PPM1L: variants seen among roughly 807,000 people sequenced by gnomAD.
PPM1L encodes protein phosphatase 1L.
A neutral mutation model predicts 31.4 loss-of-function variants in PPM1L; 13 were observed. That is an observed-to-expected ratio of 0.41 (90% CI 0.27 to 0.66). The LOEUF is 0.66. Among genes scored for constraint, PPM1L ranks in the 30% least tolerant of loss-of-function variants. PPM1L has a pLI of 0.29. For synonymous variants in PPM1L, 184 were observed against 175.4 expected (o/e 1.05, Z -0.39); for missense variants, 326 against 453.7 (o/e 0.72, Z 2.56).
At chr3:160,952,166 T>C (rs996189705) in intron 1 of PPM1L, among the ~76,000 whole-genome samples, 3 of 152,112 alleles carry the variant, frequency 2.0e-5, no homozygotes, top group African/African-American at 7.2e-5. Context: ...GAAGAATAAC[T>C]CCCTTGCCTT....
At chr3:160,842,051 A>G (rs1220335780) in intron 1 of PPM1L, among the ~76,000 whole-genome samples, 2 of 152,220 alleles carry the variant, frequency 1.3e-5, no homozygotes, top group African/African-American at 2.4e-5. Flanking sequence ...AGACATAGAA[A>G]TAAGATAAAT....
At chr3:161,061,596 T>TA (rs1021893071) in intron 2 of PPM1L, among the ~76,000 whole-genome samples, 1 of 152,118 alleles carries the variant, frequency 6.6e-6, no homozygotes, top group Admixed American at 6.5e-5. Context: ...TCATACAAAT[T>TA]AAAAAACAAT....
chr3:160,772,098 T>C (rs1715272983), intron 1 of PPM1L, among the ~76,000 whole-genome samples: 1 of 152,172 alleles, frequency 6.6e-6, no homozygotes, highest in African/African-American at 2.4e-5. Context: ...GAAGCTCATA[T>C]TTTTAACATG....
At chr3:160,818,572 GA>G (rs1378807520) in intron 1 of PPM1L, among the ~76,000 whole-genome samples, 1 of 151,960 alleles carries the variant, frequency 6.6e-6, no homozygotes, top group Non-Finnish European at 1.5e-5. Context: ...ATAGCTCACA[GA>G]AAAAAGTAGC....
chr3:160,891,997 G>T (rs181457700), intron 1 of PPM1L, among the ~76,000 whole-genome samples: 2 of 152,102 alleles, frequency 1.3e-5, no homozygotes, highest in South Asian at 2.1e-4. Flanking sequence ...GGCCTGTCAG[G>T]GGGTGGAGGG....
intron 1 of PPM1L, among the ~76,000 whole-genome samples, chr3:160,832,161 G>A (rs1314252712): frequency 6.6e-6 from 1 of 152,186 alleles, no homozygotes; most frequent in Non-Finnish European, 1.5e-5. Flanking sequence ...GGGATGTTGA[G>A]TTAACTAACT....
chr3:160,830,577 T>C (rs1253230009), intron 1 of PPM1L, among the ~76,000 whole-genome samples: 1 of 152,218 alleles, frequency 6.6e-6, no homozygotes, highest in African/African-American at 2.4e-5. Flanking sequence ...ATCATAGTTA[T>C]GCTTTGTTGC....
chr3:160,868,339 T>G (rs1218116019), intron 1 of PPM1L, among the ~76,000 whole-genome samples: 1 of 152,168 alleles, frequency 6.6e-6, no homozygotes, highest in African/African-American at 2.4e-5. Context: ...GCAACATTGG[T>G]GACTTCCTGG....
intron 2 of PPM1L, among the ~76,000 whole-genome samples, chr3:161,003,788 G>T (rs772783240): frequency 5.3e-5 from 8 of 151,682 alleles, no homozygotes; most frequent in East Asian, 1.9e-4. Flanking sequence ...TCTGCAAACA[G>T]GGACAATTTG....
At chr3:160,780,866 A>G (rs1393838784) in intron 1 of PPM1L, among the ~76,000 whole-genome samples, 2 of 152,166 alleles carry the variant, frequency 1.3e-5, no homozygotes, top group African/African-American at 2.4e-5. Flanking sequence ...ATACAAGAAT[A>G]TATTATCTTG....
intron 1 of PPM1L, among the ~76,000 whole-genome samples, chr3:160,927,886 G>T (rs189632450): frequency 3.9e-5 from 6 of 152,114 alleles, no homozygotes; most frequent in Admixed American, 2.6e-4. Flanking sequence ...CACATAGTGT[G>T]TAGTAGGTAC....
In PPM1L at chr3:160,899,839, T is replaced by C. The variant is rs192756834; in HGVS notation, c.400-61897T>C. ...TGGATATTTGAAGTGAATATTTAAA[T>C]GTAGATGAATTTTCTAAAGAGTGAG... On this transcript the variant is annotated intron_variant, in intron 1 of 3. Transcript: ENST00000498165. Among the ~76,000 whole-genome samples the C allele has an allele frequency of 2.3e-3, 349 of 152,312 alleles. 2 individuals are homozygous for C. The highest frequency in any genetic ancestry group is 7.9e-3 in the African/African-American group (328 of 41,582).
At chr3:160,877,858 C>T (rs1029154834) in intron 1 of PPM1L, among the ~76,000 whole-genome samples, 1 of 152,124 alleles carries the variant, frequency 6.6e-6, no homozygotes, top group Non-Finnish European at 1.5e-5. Flanking sequence ...GTTGTCTGCT[C>T]CTTACTGTAC....
chr3:160,850,430 T>C (rs748300535), intron 1 of PPM1L, among the ~76,000 whole-genome samples: 1 of 152,172 alleles, frequency 6.6e-6, no homozygotes, highest in Non-Finnish European at 1.5e-5. Flanking sequence ...TTTGGGTTTT[T>C]ATAGAGGTTT....
intron 2 of PPM1L, among the ~76,000 whole-genome samples, chr3:160,984,123 C>G (rs956906816): frequency 6.6e-6 from 1 of 152,164 alleles, no homozygotes; most frequent in Non-Finnish European, 1.5e-5. Flanking sequence ...CTGGAATTTC[C>G]TAATCCTAGC....
At chr3:160,883,690 A>G (rs1345042730) in intron 1 of PPM1L, among the ~76,000 whole-genome samples, 3 of 151,792 alleles carry the variant, frequency 2.0e-5, no homozygotes, top group East Asian at 1.9e-4. Context: ...CGAGGGAGAA[A>G]GAAGTTAGGG....
intron 1 of PPM1L, among the ~76,000 whole-genome samples, chr3:160,803,731 C>G (rs1487518655): frequency 6.6e-6 from 1 of 152,150 alleles, no homozygotes; most frequent in Non-Finnish European, 1.5e-5. Context: ...CTTTATTTAG[C>G]TATTTAATTA....
At chr3:160,995,492 T>G (rs568477548) in intron 2 of PPM1L, among the ~76,000 whole-genome samples, 2 of 152,212 alleles carry the variant, frequency 1.3e-5, no homozygotes, top group Admixed American at 1.3e-4. Context: ...AGCTAATTTT[T>G]GTATTTTTAG....
rs980827827 is a variant in PPM1L, at chr3:161,074,338, G to C, written c.*5181G>C. ...TGTAGTTCCACAGTAGTTACTCTTG[G>C]CTGCAGAAATAGGTTTGGGAAGCTA... On this transcript the variant is annotated 3_prime_UTR_variant, in exon 4 of 4. Transcript: ENST00000498165. 6.6e-6 allele frequency: 1 copy of C among 152,120 alleles called. No individual in the cohort carries two copies. The highest frequency in any genetic ancestry group is 2.4e-5 in the African/African-American group (1 of 41,418). 9.4% of individuals were successfully genotyped at this position (152,120 alleles called of 1,614,324 possible).
Sources: gnomAD v4.1 joint callset for allele counts (sites outside exome capture counted in the v4.1 genomes callset) on GRCh38, gnomAD v4.1.1 for gene constraint, MANE v1.5 for transcripts, NCBI Gene and HGNC (gene_info 2026-07-23, HGNC 2026-07-21) for gene names.